CCDC7: variants seen among roughly 807,000 people sequenced by gnomAD.
The protein encoded by CCDC7 is coiled-coil domain-containing protein 7.
A neutral mutation model predicts 196.9 loss-of-function variants in CCDC7; 183 were observed. The observed-to-expected ratio is 0.93, with a 90% CI of 0.82 to 1.05. The LOEUF is 1.05. Among genes scored for constraint, CCDC7 ranks in the 50% least tolerant of loss-of-function variants. The probability of loss-of-function intolerance (pLI) is 0.00; values close to 1 mark genes in which losing one functional copy is unlikely to be tolerated. For missense variants in CCDC7, 1,540 were observed against 1,482.2 expected, an observed-to-expected ratio of 1.04 and a Z score of -0.64; for synonymous variants, 525 against 484.6, an observed-to-expected ratio of 1.08 and a Z score of -1.10.
intron 24 of CCDC7, among the ~76,000 whole-genome samples, chr10:32,704,203 T>C (rs889736024): frequency 2.0e-5 from 3 of 151,878 alleles, no homozygotes; most frequent in Admixed American, 1.3e-4. Flanking sequence ...GGATGTCCTT[T>C]CTGTTTGTTA....
At chr10:32,649,054 A>T (rs1167114544) in intron 20 of CCDC7, among the ~76,000 whole-genome samples, 1 of 152,228 alleles carries the variant, frequency 6.6e-6, no homozygotes, top group Non-Finnish European at 1.5e-5. Flanking sequence ...AAACTAATGC[A>T]GGAACAGAAA....
chr10:32,582,556 A>G (rs1156289199), intron 16 of CCDC7, among the ~76,000 whole-genome samples: 3 of 152,138 alleles, frequency 2.0e-5, no homozygotes, highest in East Asian at 3.8e-4. Context: ...CTGGTAGAGA[A>G]TAAATACCCC....
At chr10:32,697,743 G>A (rs1029301868) in intron 24 of CCDC7, among the ~76,000 whole-genome samples, 1 of 152,214 alleles carries the variant, frequency 6.6e-6, no homozygotes, top group African/African-American at 2.4e-5. Flanking sequence ...ACCTCTGGGG[G>A]CAGGGCATAG....
chr10:32,704,276 C>A (rs532542384), intron 24 of CCDC7, among the ~76,000 whole-genome samples: 1 of 152,268 alleles, frequency 6.6e-6, no homozygotes, highest in East Asian at 1.9e-4. Flanking sequence ...GAGGTCCACT[C>A]CAGGCCCTGT....
intron 28 of CCDC7, among the ~76,000 whole-genome samples, chr10:32,750,920 C>A (rs1267574466): frequency 6.6e-6 from 1 of 152,146 alleles, no homozygotes; most frequent in Non-Finnish European, 1.5e-5. Flanking sequence ...TAACCTACAA[C>A]ATTCATTGTT....
At chr10:32,758,422 C>T (rs1374368537) in intron 28 of CCDC7, among the ~76,000 whole-genome samples, 1 of 152,148 alleles carries the variant, frequency 6.6e-6, no homozygotes, top group Non-Finnish European at 1.5e-5. Context: ...GGCTTCATCC[C>T]TGCGATGGAA....
chr10:32,637,037 G>A (rs2139675812), intron 20 of CCDC7, among the ~76,000 whole-genome samples: 1 of 152,324 alleles, frequency 6.6e-6, no homozygotes, highest in South Asian at 2.1e-4. Context: ...CTTTTGAGAA[G>A]TGTTTGTTCA....
intron 3 of CCDC7, among the ~76,000 whole-genome samples, chr10:32,461,727 A>G (rs1242900159): frequency 0.031 from 825 of 26,554 alleles, 4 homozygotes; most frequent in South Asian, 0.054. Context: ...ATATATATAT[A>G]TATGTATATA....
At chr10:32,582,892 A>G (rs2058877927) in intron 16 of CCDC7, 142 bp from the exon 18 acceptor site, 1 of 465,754 alleles carries the variant, frequency 2.1e-6, no homozygotes, top group South Asian at 1.2e-4. Flanking sequence ...ACCTAGCATC[A>G]ATTTCATATT....
intron 31 of CCDC7, among the ~76,000 whole-genome samples, chr10:32,818,818 T>A (rs139792969): frequency 0.04 from 6,029 of 152,196 alleles, 126 homozygotes; most frequent in Middle Eastern, 0.051. Context: ...CAAAGCAGTG[T>A]GTAGAGGGAA....
At chr10:32,591,647 A>G (rs2059793204) in intron 18 of CCDC7, among the ~76,000 whole-genome samples, 2 of 152,180 alleles carry the variant, frequency 1.3e-5, no homozygotes, top group African/African-American at 4.8e-5. Context: ...CTACATTGCC[A>G]CCAGAGAATA....
chr10:32,451,521 A>G (rs2033072186), upstream of CCDC7: 2 of 1,362,346 alleles, frequency 1.5e-6, no homozygotes, highest in Admixed American at 3.0e-5. Flanking sequence ...GCCATCAGAA[A>G]AAGAGAAATG....
At chr10:32,824,766 T>C (rs1373925368) in intron 32 of CCDC7, among the ~76,000 whole-genome samples, 162 bp downstream of exon 33, 1 of 152,188 alleles carries the variant, frequency 6.6e-6, no homozygotes, top group African/African-American at 2.4e-5. Flanking sequence ...TTATTCTCAA[T>C]AGAAAATTAG....
intron 18 of CCDC7, among the ~76,000 whole-genome samples, chr10:32,588,663 G>T (rs1222680231): frequency 6.6e-6 from 1 of 152,006 alleles, no homozygotes; most frequent in Non-Finnish European, 1.5e-5. Flanking sequence ...GGTAATGTTG[G>T]TCTTATTTTG....
intron 18 of CCDC7, among the ~76,000 whole-genome samples, chr10:32,596,112 CT>C (rs980782668): frequency 6.6e-6 from 1 of 152,122 alleles, no homozygotes; most frequent in African/African-American, 2.4e-5. Flanking sequence ...AACTTTCTGT[CT>C]GGTCGATCTG....
intron 5 of CCDC7, among the ~76,000 whole-genome samples, chr10:32,470,427 T>C (rs2037711170): frequency 6.6e-6 from 1 of 152,200 alleles, no homozygotes; most frequent in Non-Finnish European, 1.5e-5. Context: ...CTGTGGTTTT[T>C]GGACACTCAT....
At chr10:32,705,654 G>A (rs1224225770) in intron 24 of CCDC7, among the ~76,000 whole-genome samples, 2 of 152,064 alleles carry the variant, frequency 1.3e-5, no homozygotes, top group African/African-American at 4.8e-5. Flanking sequence ...ACAAAAAAAG[G>A]CAGAGGTTGC....
intron 9 of CCDC7, among the ~76,000 whole-genome samples, chr10:32,497,619 A>G (rs1406427272): frequency 6.6e-6 from 1 of 152,184 alleles, no homozygotes; most frequent in East Asian, 1.9e-4. Context: ...TTCAAAGAAC[A>G]TCTTTATTCC....
chr10:32,640,492 C>A (rs965062172), intron 20 of CCDC7, among the ~76,000 whole-genome samples: 4 of 152,216 alleles, frequency 2.6e-5, no homozygotes, highest in African/African-American at 9.6e-5. Flanking sequence ...TTAATTGGAG[C>A]TTTTAGCCTA....
Sources: allele counts gnomAD v4.1 joint callset (sites outside exome capture counted in the v4.1 genomes callset), GRCh38; gene constraint gnomAD v4.1.1; transcripts MANE v1.5; gene names NCBI Gene and HGNC (gene_info 2026-07-23, HGNC 2026-07-21).